LMNB2: variants seen among roughly 807,000 people sequenced by gnomAD.
LMNB2 encodes lamin B2, also known as lamin-B2.
Under a neutral mutation model 69.3 loss-of-function variants are expected in LMNB2, and 17 were observed. The ratio of observed to expected loss-of-function variants is 0.25; its 90% CI spans 0.17 to 0.37. The LOEUF (loss-of-function observed/expected upper bound fraction) is 0.37. Among genes scored for constraint, LMNB2 ranks in the 10% least tolerant of loss-of-function variants. The pLI, the probability that LMNB2 is intolerant of heterozygous loss-of-function variation, is 1.00. For missense variants in LMNB2, 789 were observed against 883.6 expected (o/e 0.89, Z 1.36); for synonymous variants, 397 against 389.3 (o/e 1.02, Z -0.23).
In LMNB2 at chr19:2,434,440, G is replaced by A. The variant is rs754149098; in HGVS notation, c.1057C>T (p.Leu353=). The A allele has an allele frequency of 6.2e-7, 1 of 1,613,444 alleles. No homozygotes were observed. Among genetic ancestry groups the A allele is most frequent in the African/African-American group, 1.3e-5 (1 of 75,046 alleles). ...AGERDKFRKM[L]DAKEQEMTEM... The stretch of plus-strand genomic sequence containing the variant: ...GTCATCTCCTGCTCCTTGGCGTCCA[G>A]CATCTTCCGGAACTTGTCCCGCTCC... Residue 353 remains leucine (L), a synonymous_variant, in exon 7 of 12, where the codon CTG becomes TTG. Transcript: ENST00000325327.
Position 2,438,364 on chromosome 19 carries a change from C to CT in LMNB2, c.558+10dup, listed in dbSNP as rs1293400609. 1 of 1,613,202 alleles carries CT rather than the reference C, an allele frequency of 6.2e-7. No homozygotes were observed. The highest frequency in any genetic ancestry group is 8.5e-7 in the Non-Finnish European group (1 of 1,179,956). On this transcript the variant is annotated intron_variant, in intron 3 of 11. Transcript: ENST00000325327. ...ACCCTGCTGGGGCGTCCCGTGGCTC[C>CT]TGGCACCTACCTTGGCCAGCTGGGC... is the stretch of plus-strand genomic sequence containing the variant.
chr19:2,444,068 G>A (rs1275787420), intron 2 of LMNB2, among the ~76,000 whole-genome samples: 12 of 152,172 alleles, frequency 7.9e-5, no homozygotes, highest in Middle Eastern at 3.2e-3. Context: ...ACTGGGTGCC[G>A]CCCGGGGTCT....
At chr19:2,432,008 C>G in intron 9 of LMNB2, 106 bp from the exon 10 acceptor site, 1 of 1,399,414 alleles carries the variant, frequency 7.1e-7, no homozygotes, top group African/African-American at 1.4e-5. Context: ...CCTGGGCGTT[C>G]AGTCCTTCCA....
intron 1 of LMNB2, among the ~76,000 whole-genome samples, chr19:2,449,084 A>G (rs1971990646): frequency 6.6e-6 from 1 of 152,004 alleles, no homozygotes; most frequent in Non-Finnish European, 1.5e-5. Flanking sequence ...TTTTTAAGAG[A>G]TGGGGTCTTG....
At chr19:2,440,654 ATCCATCATCTC>A (rs1971889367) in intron 2 of LMNB2, among the ~76,000 whole-genome samples, 2 of 147,714 alleles carry the variant, frequency 1.4e-5, no homozygotes, top group Admixed American at 6.7e-5. Context: ...TCCATCATCT[ATCCATCATCTC>A]CATCCATCCA....
At chr19:2,450,099 T>C (rs1333485646) in intron 1 of LMNB2, among the ~76,000 whole-genome samples, 4 of 132,178 alleles carry the variant, frequency 3.0e-5, no homozygotes, top group Non-Finnish European at 3.2e-5. Context: ...AAAATACATA[T>C]ACATATACAT....
chr19:2,451,207 C>T (rs999063142), intron 1 of LMNB2, among the ~76,000 whole-genome samples: 1 of 152,172 alleles, frequency 6.6e-6, no homozygotes, highest in Non-Finnish European at 1.5e-5. Context: ...GGAGATTGTG[C>T]CACTGCATTC....
chr19:2,434,522 AG>A lies in LMNB2; in HGVS notation c.982-8del, dbSNP rs761813459. ...GATCTTCAGCGGCACTGGCCTGCGG[AG>A]GGGGCGGGTGGCGAAGGTCAGGGCA... On this transcript the variant is annotated splice_polypyrimidine_tract_variant and splice_region_variant and intron_variant, in intron 6 of 11. Transcript: ENST00000325327. 1 of 1,610,916 alleles carries A rather than the reference AG, an allele frequency of 6.2e-7. No homozygotes were observed. The highest frequency in any genetic ancestry group is 8.5e-7 in the Non-Finnish European group (1 of 1,179,686).
intron 1 of LMNB2, among the ~76,000 whole-genome samples, chr19:2,449,883 C>A (rs1972000392): frequency 6.6e-6 from 1 of 152,002 alleles, no homozygotes; most frequent in South Asian, 2.1e-4. Flanking sequence ...CGAGACCAGC[C>A]TGACCAACAT....
rs397945879 is a variant in LMNB2 at position 2,439,035 on chromosome 19, CTTTTTTTTTTTTTT to C, written c.402-518_402-505del. On this transcript the variant is annotated intron_variant, in intron 2 of 11. Coordinates refer to ENST00000325327, the MANE Select transcript of LMNB2 (RefSeq NM_032737.4). ...CCAGTGTGGATTGTAGGCACTTAAG[CTTTTTTTTTTTTTT>C]TTTTTTTTTTTTTTTTAAGAGACAG... Among the ~76,000 whole-genome samples, 474 of 65,748 alleles carry C rather than the reference CTTTTTTTTTTTTTT, an allele frequency of 7.2e-3. 6 individuals are homozygous for C. The highest frequency in any genetic ancestry group is 0.025 in the African/African-American group (392 of 15,456). The allele number at this position is 65,748 out of a possible 152,430, so 43.1% of individuals were successfully genotyped here. A position where few individuals can be genotyped will look rare whatever the true frequency, so the allele number is the denominator to read the frequency against.
chr19:2,435,120 T>C lies in LMNB2; in HGVS notation c.736A>G (p.Ser246Gly). The change falls in exon 5 of 12, where the codon AGC (serine) becomes GGC (glycine). Residue 246 changes from serine to glycine, a missense_variant. Ser to Gly is a moderately conservative substitution (Grantham distance 56). Coordinates refer to ENST00000325327, the MANE Select transcript of LMNB2 (RefSeq NM_032737.4). The stretch of plus-strand genomic sequence containing the variant: ...AAGTCGTACTCCTGCTGCCGGCTGC[T>C]GTCCACCTCCACCAGGCGCCGCTCG... ...RHERRLVEVD[S>G]SRQQEYDFKM... 3 of 1,608,214 alleles carry C rather than the reference T, an allele frequency of 1.9e-6. No individual in the cohort carries two copies. Among genetic ancestry groups the C allele is most frequent in the Non-Finnish European group, 2.5e-6 (3 of 1,179,734 alleles).
intron 1 of LMNB2, among the ~76,000 whole-genome samples, chr19:2,454,754 G>A (rs913370029): frequency 6.6e-6 from 1 of 152,142 alleles, no homozygotes; most frequent in Non-Finnish European, 1.5e-5. Flanking sequence ...CAGGAATCAA[G>A]TGGGTGCTCC....
At chr19:2,451,978 C>T (rs1021829941) in intron 1 of LMNB2, among the ~76,000 whole-genome samples, 2 of 151,394 alleles carry the variant, frequency 1.3e-5, no homozygotes, top group Non-Finnish European at 2.9e-5. Flanking sequence ...CCCTCGGGAA[C>T]GTAAGGCCTG....
At chr19:2,431,339 G>T (rs1483629601) in intron 11 of LMNB2, among the ~76,000 whole-genome samples, 2 of 152,166 alleles carry the variant, frequency 1.3e-5, no homozygotes, top group African/African-American at 4.8e-5. Flanking sequence ...GGTCTGTGAT[G>T]TCGCAAATTC....
rs1459767431 is a variant in LMNB2, at chr19:2,453,047, TG to T, written c.264+3622del. 2.3e-5 allele frequency among the ~76,000 whole-genome samples: 1 copy of T among 42,998 alleles called. No individual in the cohort carries two copies. The highest frequency in any genetic ancestry group is 9.3e-5 in the African/African-American group (1 of 10,728). The allele number at this position is 42,998 out of a possible 152,430, so 28.2% of individuals were successfully genotyped here. A position where few individuals can be genotyped will look rare whatever the true frequency, so the allele number is the denominator to read the frequency against. ...CCTCGTGGGGGCTGGGTCATCCTCGTGGGGGCTGGGTCATCCTCATGGGGCT... is the reference window on the plus strand; with the variant it reads ...CCTCGTGGGGGCTGGGTCATCCTCGTGGGGCTGGGTCATCCTCATGGGGCT... On this transcript the variant is annotated intron_variant, in intron 1 of 11. Coordinates refer to ENST00000325327, the MANE Select transcript of LMNB2 (RefSeq NM_032737.4). The surrounding 1 kb of genome is among the most constrained non-coding windows in gnomAD (Gnocchi z 4.4).
chr19:2,454,564 G>A (rs1972067839), intron 1 of LMNB2, among the ~76,000 whole-genome samples: 1 of 152,102 alleles, frequency 6.6e-6, no homozygotes, highest in African/African-American at 2.4e-5. Context: ...CACACAGAGG[G>A]TAAGTGGCTC....
intron 2 of LMNB2, among the ~76,000 whole-genome samples, chr19:2,439,990 C>T (rs1301751159): frequency 2.0e-5 from 3 of 151,692 alleles, no homozygotes; most frequent in African/African-American, 7.3e-5. Context: ...GCCTCGGCCT[C>T]CAAAGTGCTG....
At chr19:2,444,612 C>A in intron 1 of LMNB2, 72 bp from the exon 2 acceptor site, 1 of 1,576,306 alleles carries the variant, frequency 6.3e-7, no homozygotes, top group Non-Finnish European at 8.6e-7. Flanking sequence ...GGGGGCCCGG[C>A]CACTGGCCCT....
rs1345951078 is a variant in LMNB2 at position 2,456,924 on chromosome 19, G to A, written c.10C>T (p.Pro4Ser). 8.0e-6 allele frequency: 8 copies of A among 994,366 alleles called. No individual in the cohort carries two copies. In the East Asian group the frequency reaches 7.7e-4, roughly 95 times the overall value. The allele number at this position is 994,366 out of a possible 1,614,324, so 61.6% of individuals were successfully genotyped here. ...TGCTCCCGACGGCGGCCCGGGCTCG[G>A]CGGGCTCATTCAATCCGCGCCGCCG... is the stretch of plus-strand genomic sequence containing the variant. MSP[P>S]SPGRRREQRR... is the part of the protein sequence containing the mutation. Residue 4 changes from proline (P) to serine (S), a missense_variant, in exon 1 of 12, where the codon CCG becomes TCG. Around this residue, in one of 3 missense-constraint regions of LMNB2, gnomAD observed 35 missense variants for 23.9 expected, o/e 1.47. Coordinates refer to ENST00000325327, the MANE Select transcript of LMNB2 (RefSeq NM_032737.4).
Sources: gnomAD v4.1 joint callset for allele counts (sites outside exome capture counted in the v4.1 genomes callset) on GRCh38, gnomAD v4.1.1 for gene constraint, gnomAD v4.1.1 regional missense constraint, Gnocchi (gnomAD v3.1) non-coding constraint, MANE v1.5 for transcripts, NCBI Gene and HGNC (gene_info 2026-07-23, HGNC 2026-07-21) for gene names.